CACNA2D1: variants seen among roughly 807,000 people sequenced by gnomAD.
CACNA2D1 encodes calcium voltage-gated channel auxiliary subunit alpha2delta 1, also known as voltage-dependent calcium channel subunit alpha-2/delta-1.
In CACNA2D1, 53 loss-of-function variants were observed where a neutral mutation model predicts 171.5. The ratio of observed to expected loss-of-function variants is 0.31; its 90% CI spans 0.25 to 0.39. CACNA2D1 has a LOEUF of 0.39. Among genes scored for constraint, CACNA2D1 ranks in the 10% least tolerant of loss-of-function variants. The pLI is 1.00. For missense variants in CACNA2D1, 903 were observed against 1,299.8 expected (o/e 0.69, Z 4.69); for synonymous variants, 442 against 443.1 (o/e 1.00, Z 0.03).
chr7:82,372,663 T>C (rs1037778756), intron 1 of CACNA2D1, among the ~76,000 whole-genome samples: 2 of 152,044 alleles, frequency 1.3e-5, no homozygotes, highest in Admixed American at 1.3e-4. Context: ...AATAATTTTA[T>C]TCAAATTTAG....
At chr7:82,432,924 G>A (rs145222692) in intron 1 of CACNA2D1, among the ~76,000 whole-genome samples, 11 of 152,198 alleles carry the variant, frequency 7.2e-5, no homozygotes, top group East Asian at 1.9e-4. Context: ...CGCGGCTCAC[G>A]CCTGTAATCC....
intron 7 of CACNA2D1, among the ~76,000 whole-genome samples, chr7:82,067,372 T>TA (rs1338398644): frequency 6.6e-6 from 1 of 152,192 alleles, no homozygotes; most frequent in Non-Finnish European, 1.5e-5. Context: ...TCATATGACT[T>TA]ACGTTCCCCA....
In CACNA2D1 at chr7:81,967,150, T is replaced by C. The variant is rs551718674; in HGVS notation, c.2502+19A>G. ...AAGGAAATATTGTACTCAAAAGTGA[T>C]TTTAAATAGTTTTCTTACGTCACTG... is the stretch of plus-strand genomic sequence containing the variant. On this transcript the variant is annotated intron_variant, in intron 31 of 38. Transcript: ENST00000356860. The C allele has an allele frequency of 6.9e-6, 11 of 1,588,620 alleles. No homozygotes were observed. The African/African-American group carries it at 1.1e-4, about 16-fold the overall frequency.
At chr7:82,292,545 C>T (rs1233421029) in intron 3 of CACNA2D1, among the ~76,000 whole-genome samples, 1 of 152,120 alleles carries the variant, frequency 6.6e-6, no homozygotes, top group South Asian at 2.1e-4. Context: ...TTTGGATATA[C>T]AATTCTAGTT....
chr7:82,079,269 T>G (rs1348164244), intron 7 of CACNA2D1, among the ~76,000 whole-genome samples: 1 of 152,218 alleles, frequency 6.6e-6, no homozygotes, highest in Non-Finnish European at 1.5e-5. Context: ...AGCATTGTTA[T>G]CCTCCTTGTT....
chr7:82,161,852 A>G (rs991495870), intron 4 of CACNA2D1, among the ~76,000 whole-genome samples: 1 of 152,050 alleles, frequency 6.6e-6, no homozygotes, highest in Non-Finnish European at 1.5e-5. Flanking sequence ...TTGGAGGAAT[A>G]TGGGCATTAA....
chr7:82,324,593 A>C (rs1014426747), intron 3 of CACNA2D1, among the ~76,000 whole-genome samples: 2 of 152,030 alleles, frequency 1.3e-5, no homozygotes, highest in African/African-American at 4.8e-5. Flanking sequence ...AATTCCTACC[A>C]TTATAATTAT....
chr7:82,321,189 A>AGGAGTTCAAGACCAGCCT (rs1815801115), intron 3 of CACNA2D1, among the ~76,000 whole-genome samples: 1 of 152,078 alleles, frequency 6.6e-6, no homozygotes, highest in African/African-American at 2.4e-5. Flanking sequence ...ATTCGAGGTC[A>AGGAGTTCAAGACCAGCCT]GGAGTTCAAG....
intron 9 of CACNA2D1, 112 bp downstream of exon 9, chr7:82,064,192 T>A: frequency 1.5e-6 from 1 of 647,566 alleles, no homozygotes; most frequent in Non-Finnish European, 2.8e-6. Context: ...ATCATAATTT[T>A]TCTTTGTTTC....
chr7:81,976,532 ATTTGGCTG>A (rs1795861041), intron 24 of CACNA2D1, among the ~76,000 whole-genome samples: 2 of 152,154 alleles, frequency 1.3e-5, no homozygotes, highest in South Asian at 4.1e-4. Context: ...TTCACTCATG[ATTTGGCTG>A]TTTGTCTATT....
chr7:82,263,331 G>A (rs570843244), intron 3 of CACNA2D1, among the ~76,000 whole-genome samples: 36 of 151,898 alleles, frequency 2.4e-4, no homozygotes, highest in East Asian at 1.2e-3. Flanking sequence ...GGCTGGTCTC[G>A]AACTCCTGAC....
intron 4 of CACNA2D1, among the ~76,000 whole-genome samples, chr7:82,144,223 A>G (rs1792725026): frequency 6.6e-6 from 1 of 152,068 alleles, no homozygotes; most frequent in African/African-American, 2.4e-5. Flanking sequence ...TTGGTTTCCA[A>G]CACAATCGAT....
chr7:82,064,309 C>T lies in CACNA2D1; in HGVS notation c.774G>A (p.Val258=), dbSNP rs750629295. ...AGTAGTATTTAACAACTCACACATC[C>T]ACCAGAATAAGCATGTCTTTAGGAG... ...AASPKDMLIL[V]DVSGSVSGLT... is the part of the protein sequence containing the mutation. Residue 258 remains valine, a synonymous_variant, in exon 9 of 39, where the codon GTG becomes GTA. Transcript: ENST00000356860. The T allele has an allele frequency of 1.9e-6, 3 of 1,596,568 alleles. No homozygotes were observed. The highest frequency in any genetic ancestry group is 2.6e-6 in the Non-Finnish European group (3 of 1,164,896).
chr7:82,384,474 C>T (rs1416560911), intron 1 of CACNA2D1, among the ~76,000 whole-genome samples: 1 of 152,114 alleles, frequency 6.6e-6, no homozygotes, highest in Non-Finnish European at 1.5e-5. Context: ...GGACTTCCAG[C>T]CTCCAGAACT....
chr7:82,060,393 T>C (rs1806715686), intron 10 of CACNA2D1, 35 bp downstream of exon 10: 1 of 1,435,904 alleles, frequency 7.0e-7, no homozygotes, highest in Non-Finnish European at 9.8e-7. Context: ...AAATTGCAAA[T>C]TTAATTCAGG....
intron 5 of CACNA2D1, among the ~76,000 whole-genome samples, chr7:82,124,060 A>C (rs1790052301): frequency 6.6e-6 from 1 of 152,178 alleles, no homozygotes; most frequent in Non-Finnish European, 1.5e-5. Context: ...TATGGATACA[A>C]AGCAATTAAT....
At chr7:82,146,433 T>TACATAC in intron 4 of CACNA2D1, among the ~76,000 whole-genome samples, 2 of 128,020 alleles carry the variant, frequency 1.6e-5, no homozygotes, top group African/African-American at 2.6e-5. Flanking sequence ...CATATACATA[T>TACATAC]TTATATTTAT....
intron 7 of CACNA2D1, among the ~76,000 whole-genome samples, chr7:82,068,656 A>G (rs375533242): frequency 6.6e-6 from 1 of 152,076 alleles, no homozygotes; most frequent in African/African-American, 2.4e-5. Context: ...GACTGACACA[A>G]AGGTAGATGA....
intron 24 of CACNA2D1, among the ~76,000 whole-genome samples, chr7:81,977,717 A>C (rs979329583): frequency 6.6e-6 from 1 of 152,202 alleles, no homozygotes; most frequent in African/African-American, 2.4e-5. Context: ...AAGCAATGGC[A>C]ACAAAAGCCA....
Sources: allele counts gnomAD v4.1 joint callset (sites outside exome capture counted in the v4.1 genomes callset), GRCh38; gene constraint gnomAD v4.1.1; transcripts MANE v1.5; gene names NCBI Gene and HGNC (gene_info 2026-07-23, HGNC 2026-07-21).